Variants in TAFA2 observed in about 807,000 individuals in gnomAD.
TAFA2 encodes the protein chemokine-like protein TAFA-2.
A neutral mutation model predicts 18.8 loss-of-function variants in TAFA2; 7 were observed. The ratio of observed to expected loss-of-function variants is 0.37; its 90% CI spans 0.21 to 0.70. The LOEUF (loss-of-function observed/expected upper bound fraction) is 0.70. Among genes scored for constraint, TAFA2 ranks in the 30% least tolerant of loss-of-function variants. The pLI is 0.53. For synonymous variants in TAFA2, 60 were observed against 54.2 expected (o/e 1.11, Z -0.47); for missense variants, 122 against 158.1 (o/e 0.77, Z 1.23).
chr12:61,884,250 T>A (rs1004988035), intron 1 of TAFA2, among the ~76,000 whole-genome samples: 4 of 152,146 alleles, frequency 2.6e-5, no homozygotes, highest in African/African-American at 7.2e-5. Flanking sequence ...GACGGCGACA[T>A]GGAAGTGTTT....
rs182303480 is a variant in TAFA2, at chr12:61,898,840, G to A, written c.-1-31414C>T. On this transcript the variant is annotated intron_variant, in intron 1 of 4. Coordinates refer to ENST00000416284, the MANE Select transcript of TAFA2 (RefSeq NM_178539.5). Reference sequence around the variant, plus strand: ...GGCTTGAATTTCTCCCTAGAAAATGGGTTTTTCTTTTCTATTACATCATCA... The same window carrying A: ...GGCTTGAATTTCTCCCTAGAAAATGAGTTTTTCTTTTCTATTACATCATCA... 2.0e-5 allele frequency among the ~76,000 whole-genome samples: 3 copies of A among 152,240 alleles called. No homozygotes were observed. The East Asian group carries it at 5.8e-4, about 29-fold the overall frequency.
At chr12:61,885,250 T>TCCTACAGCA (rs1875325192) in intron 1 of TAFA2, among the ~76,000 whole-genome samples, 1 of 152,162 alleles carries the variant, frequency 6.6e-6, no homozygotes, top group African/African-American at 2.4e-5. Flanking sequence ...TAGCATATCA[T>TCCTACAGCA]CCTACAGCAA....
At chr12:62,080,912 T>A (rs373022033) in intron 1 of TAFA2, among the ~76,000 whole-genome samples, 1 of 152,118 alleles carries the variant, frequency 6.6e-6, no homozygotes, top group Non-Finnish European at 1.5e-5. Context: ...AACATTCCCC[T>A]GGCCAGGCGC....
intron 2 of TAFA2, among the ~76,000 whole-genome samples, chr12:61,840,376 G>A (rs1873122556): frequency 6.6e-6 from 1 of 151,990 alleles, no homozygotes; most frequent in African/African-American, 2.4e-5. Context: ...CAACCAGTCA[G>A]TTTGACTGAC....
chr12:62,046,783 A>T (rs1881919980), intron 1 of TAFA2, among the ~76,000 whole-genome samples: 1 of 152,128 alleles, frequency 6.6e-6, no homozygotes, highest in African/African-American at 2.4e-5. Context: ...TCTAATGGTT[A>T]TTTGACAGAT....
chr12:62,232,630 G>GC (rs1348261584), intron 1 of TAFA2, among the ~76,000 whole-genome samples: 1 of 151,946 alleles, frequency 6.6e-6, no homozygotes, highest in Non-Finnish European at 1.5e-5. Context: ...TCCCATCTCA[G>GC]CCCCCCGAGT....
chr12:61,717,198 C>T (rs184294438), intron 4 of TAFA2, among the ~76,000 whole-genome samples: 350 of 152,150 alleles, frequency 2.3e-3, no homozygotes, highest in Non-Finnish European at 4.1e-3. Context: ...TTACATTGGT[C>T]GTAACTATAT....
chr12:62,182,160 A>T (rs1442513515), intron 1 of TAFA2, among the ~76,000 whole-genome samples: 3 of 152,202 alleles, frequency 2.0e-5, no homozygotes, highest in Non-Finnish European at 4.4e-5. Flanking sequence ...TATATAATAT[A>T]ATGTCTTAGT....
At chr12:61,984,132 A>G (rs975219598) in intron 1 of TAFA2, among the ~76,000 whole-genome samples, 3 of 152,242 alleles carry the variant, frequency 2.0e-5, no homozygotes, top group African/African-American at 7.2e-5. Context: ...TCTTCCCACT[A>G]AAGTGTAGAC....
chr12:62,134,476 T>G (rs1283530048), intron 1 of TAFA2, among the ~76,000 whole-genome samples: 2 of 151,984 alleles, frequency 1.3e-5, no homozygotes, highest in African/African-American at 2.4e-5. Context: ...CAGCAGATAC[T>G]GAATCCACCA....
chr12:61,836,756 T>TATATATACATATATATATATATATATAC (rs68158949), intron 2 of TAFA2, among the ~76,000 whole-genome samples: 2 of 119,848 alleles, frequency 1.7e-5, no homozygotes, highest in Non-Finnish European at 3.6e-5. Flanking sequence ...TATATATATA[T>TATATATACATATATATATATATATATAC]ACACACACAC....
intron 1 of TAFA2, among the ~76,000 whole-genome samples, chr12:62,034,118 C>T (rs370925087): frequency 3.3e-5 from 5 of 151,872 alleles, no homozygotes; most frequent in South Asian, 2.1e-4. Flanking sequence ...CCAGTTAACA[C>T]GTAAATGGAT....
intron 1 of TAFA2, among the ~76,000 whole-genome samples, chr12:62,214,394 G>A (rs1042794936): frequency 2.6e-5 from 4 of 152,146 alleles, no homozygotes; most frequent in Non-Finnish European, 5.9e-5. Flanking sequence ...CATTTAAGAT[G>A]TGACTTGCTC....
chr12:61,879,555 GGTGGACCCCAACATCCA>G (rs1486428409), intron 1 of TAFA2: 1 of 735,024 alleles, frequency 1.4e-6, no homozygotes, highest in African/African-American at 1.7e-5. Flanking sequence ...TTAACCTGGA[GGTGGACCCCAACATCCA>G]GGCCAGGTTC....
intron 2 of TAFA2, among the ~76,000 whole-genome samples, chr12:61,858,066 T>C (rs1368488264): frequency 1.3e-5 from 2 of 152,196 alleles, no homozygotes; most frequent in Non-Finnish European, 2.9e-5. Context: ...ATGAGAGAAT[T>C]GGTTCCTGGT....
At chr12:62,124,124 A>G (rs1870345555) in intron 1 of TAFA2, among the ~76,000 whole-genome samples, 1 of 152,146 alleles carries the variant, frequency 6.6e-6, no homozygotes, top group South Asian at 2.1e-4. Context: ...CATTTGTAGA[A>G]GAATGGTAGA....
At chr12:61,798,375 C>T (rs921123901) in intron 2 of TAFA2, among the ~76,000 whole-genome samples, 6 of 151,946 alleles carry the variant, frequency 3.9e-5, no homozygotes, top group African/African-American at 1.2e-4. Context: ...ATGTGCAGGA[C>T]GTGCAGATTT....
chr12:61,795,089 G>A (rs1871137254), intron 2 of TAFA2, among the ~76,000 whole-genome samples: 1 of 152,162 alleles, frequency 6.6e-6, no homozygotes, highest in African/African-American at 2.4e-5. Flanking sequence ...AACAGGTGCT[G>A]GAGAGGATGT....
chr12:61,742,906 C>T (rs553263371), intron 4 of TAFA2, among the ~76,000 whole-genome samples: 23 of 152,168 alleles, frequency 1.5e-4, no homozygotes, highest in Non-Finnish European at 2.6e-4. Context: ...CCCATTAACT[C>T]ATACCTCCTT....
Sources: gnomAD v4.1 joint callset for allele counts (sites outside exome capture counted in the v4.1 genomes callset) on GRCh38, gnomAD v4.1.1 for gene constraint, MANE v1.5 for transcripts, NCBI Gene and HGNC (gene_info 2026-07-23, HGNC 2026-07-21) for gene names.